The following PREX1 variants were observed in gnomAD, a reference collection of about 807,000 sequenced individuals.
PREX1 encodes the protein phosphatidylinositol-3,4,5-trisphosphate dependent Rac exchange factor 1, also known as phosphatidylinositol 3,4,5-trisphosphate-dependent Rac exchanger 1 protein.
Under a neutral mutation model 198.3 loss-of-function variants are expected in PREX1, and 41 were observed. That is an observed-to-expected ratio of 0.21 (90% confidence interval 0.16 to 0.27). The LOEUF is 0.27. PREX1 is among the 10% of genes least tolerant of loss of function. The probability of loss-of-function intolerance (pLI) is 1.00; values close to 1 mark genes in which losing one functional copy is unlikely to be tolerated. For missense variants in PREX1, 1,620 were observed against 2,200.7 expected (o/e 0.74, Z 5.28); for synonymous variants, 843 against 887.2 (o/e 0.95, Z 0.89).
At chr20:48,663,557 T>C (rs1037444521) in intron 15 of PREX1, among the ~76,000 whole-genome samples, 1 of 152,232 alleles carries the variant, frequency 6.6e-6, no homozygotes, top group Non-Finnish European at 1.5e-5. Flanking sequence ...ACCACCTGCT[T>C]TTCTAAATAA....
chr20:48,661,468 T>TATATATATATATATACACAC (rs1373152651), intron 15 of PREX1, among the ~76,000 whole-genome samples: 3 of 76,802 alleles, frequency 3.9e-5, no homozygotes, highest in African/African-American at 2.0e-4. Flanking sequence ...TATATATATA[T>TATATATATATATATACACAC]ACACACACAT....
At chr20:48,693,438 A>T (rs1198647901) in intron 7 of PREX1, among the ~76,000 whole-genome samples, 1 of 152,172 alleles carries the variant, frequency 6.6e-6, no homozygotes, top group East Asian at 1.9e-4. Flanking sequence ...GGCCCCAGAG[A>T]GCTGGCTCGC....
At chr20:48,718,806 C>T (rs1387084676) in intron 5 of PREX1, among the ~76,000 whole-genome samples, 1 of 152,194 alleles carries the variant, frequency 6.6e-6, no homozygotes, top group African/African-American at 2.4e-5. Flanking sequence ...CAGCATTTTA[C>T]AGATATTTTT....
chr20:48,716,249 A>G (rs1424774027), intron 5 of PREX1, among the ~76,000 whole-genome samples: 1 of 152,062 alleles, frequency 6.6e-6, no homozygotes, highest in African/African-American at 2.4e-5. Context: ...CCTAGAAGAG[A>G]GGATGTTGGC....
chr20:48,767,247 ACAC>A (rs2090212620), intron 1 of PREX1, among the ~76,000 whole-genome samples: 1 of 152,174 alleles, frequency 6.6e-6, no homozygotes, highest in African/African-American at 2.4e-5. Context: ...ACAACCAGCC[ACAC>A]CACAGACTAC....
At chr20:48,863,586 C>CTTTTTTTTTTT in the PREX1 span, among the ~76,000 whole-genome samples, 2 of 104,352 alleles carry the variant, frequency 1.9e-5, no homozygotes, top group Non-Finnish European at 3.9e-5. Context: ...TTCATATTGT[C>CTTTTTTTTTTT]TTTTTTTTTT....
intron 1 of PREX1, among the ~76,000 whole-genome samples, chr20:48,800,156 AC>A (rs765030790): frequency 5.9e-5 from 9 of 151,948 alleles, no homozygotes; most frequent in Non-Finnish European, 1.2e-4. Context: ...TACTATAATC[AC>A]CCCACGTTTT....
chr20:48,645,204 C>T (rs2089442246), intron 26 of PREX1, among the ~76,000 whole-genome samples: 1 of 152,192 alleles, frequency 6.6e-6, no homozygotes, highest in Admixed American at 6.5e-5. Context: ...CAAACTGTAT[C>T]AGTTCTGATT....
the PREX1 span, among the ~76,000 whole-genome samples, chr20:48,876,908 G>C: frequency 6.6e-6 from 1 of 152,226 alleles, no homozygotes; most frequent in South Asian, 2.1e-4. Flanking sequence ...CAGTCTACCT[G>C]TCACCTCATT....
At chr20:48,640,759 G>T (rs1225603423) in intron 29 of PREX1, among the ~76,000 whole-genome samples, 1 of 138,666 alleles carries the variant, frequency 7.2e-6, no homozygotes, top group Non-Finnish European at 1.6e-5. Context: ...TGGACAGGTA[G>T]ATGATGAATG....
chr20:48,827,606 G>A lies in PREX1; in HGVS notation c.219+36C>T, dbSNP rs1179998162. On this transcript the variant is annotated intron_variant, in intron 1 of 39. Transcript: ENST00000371941. The surrounding 1 kb of genome is among the most constrained non-coding windows in gnomAD (Gnocchi z 4.1). ...GACCGCAGCGGGGCGAGCGGCTGGA[G>A]GGAAAGCTGTCCCCAAGCTCCCGAG... The A allele has an allele frequency of 3.2e-6, 4 of 1,232,972 alleles. No homozygotes were observed. Among genetic ancestry groups the A allele is most frequent in the Non-Finnish European group, 4.1e-6 (4 of 972,304 alleles). 76.4% of individuals were successfully genotyped at this position (1,232,972 alleles called of 1,614,324 possible).
At chr20:48,696,634 T>TACATACATACATACAC (rs2089847902) in intron 7 of PREX1, among the ~76,000 whole-genome samples, 3 of 97,932 alleles carry the variant, frequency 3.1e-5, no homozygotes, top group African/African-American at 1.1e-4. Context: ...CATACATACA[T>TACATACATACATACAC]ACATACACAC....
intron 7 of PREX1, among the ~76,000 whole-genome samples, chr20:48,699,341 G>A (rs1172602613): frequency 6.6e-6 from 1 of 152,190 alleles, no homozygotes; most frequent in Non-Finnish European, 1.5e-5. Context: ...CTAAGACAAA[G>A]TAACAGCAAA....
chr20:48,757,218 T>C (rs564414516), intron 1 of PREX1, among the ~76,000 whole-genome samples: 55 of 152,238 alleles, frequency 3.6e-4, no homozygotes, highest in African/African-American at 1.3e-3. Flanking sequence ...CTGTATCTCA[T>C]CCTCCTCCAT....
In PREX1 at chr20:48,691,491, C is replaced by G. The variant is rs144853871; in HGVS notation, c.1037-395G>C. On this transcript the variant is annotated intron_variant, in intron 8 of 39. Transcript: ENST00000371941. The surrounding 1 kb of genome is among the most constrained non-coding windows in gnomAD (Gnocchi z 5.0). ...GCCAAGTCAAACGTGGGACCCTTAC[C>G]CAGTGCTGGCTGGGATGGGACCTGG... 1.6e-3 allele frequency among the ~76,000 whole-genome samples: 237 copies of G among 152,240 alleles called. 1 individual carries two copies. Among genetic ancestry groups the G allele is most frequent in the African/African-American group, 5.4e-3 (225 of 41,532 alleles).
rs185275419 is a variant in PREX1 at position 48,718,078 on chromosome 20, G to A, written c.621+8212C>T. Among the ~76,000 whole-genome samples, 43 of 152,288 alleles carry A rather than the reference G, an allele frequency of 2.8e-4. 1 individual carries two copies. The East Asian group carries it at 7.9e-3, about 28-fold the overall frequency. On this transcript the variant is annotated intron_variant, in intron 5 of 39. Transcript: ENST00000371941. ...GTCTGCCACAGTTCCCACCCAACTC[G>A]CTAAGTTACAACCACCCTACTCACT...
rs1460598009 is a variant in PREX1 at position 48,824,005 on chromosome 20, A to T, written c.219+3637T>A. On this transcript the variant is annotated intron_variant, in intron 1 of 39. Transcript: ENST00000371941. ...TGCAAAGTGCTTAGAATGGCAAGTG[A>T]TGAATCAAAGTCAGTTCCTGCACAG... Among the ~76,000 whole-genome samples, 5 of 152,200 alleles carry T rather than the reference A, an allele frequency of 3.3e-5. No individual in the cohort carries two copies. The East Asian group carries it at 9.6e-4, about 29-fold the overall frequency.
chr20:48,881,518 ACT>A, the PREX1 span, among the ~76,000 whole-genome samples: 1 of 147,594 alleles, frequency 6.8e-6, no homozygotes, highest in Non-Finnish European at 1.5e-5. Context: ...ACAGGGTCTC[ACT>A]CTGTCACCCA....
chr20:48,821,432 C>G (rs79670457), intron 1 of PREX1, among the ~76,000 whole-genome samples: 1 of 152,158 alleles, frequency 6.6e-6, no homozygotes, highest in African/African-American at 2.4e-5. Flanking sequence ...ATCTCCGAAA[C>G]GCAGGGCAGG....
Sources: allele counts gnomAD v4.1 joint callset (sites outside exome capture counted in the v4.1 genomes callset), GRCh38; gene constraint gnomAD v4.1.1; non-coding constraint Gnocchi (gnomAD v3.1); transcripts MANE v1.5; gene names NCBI Gene and HGNC (gene_info 2026-07-23, HGNC 2026-07-21).